The following PLEKHA6 variants were observed in gnomAD, a reference collection of about 807,000 sequenced individuals.
PLEKHA6 encodes pleckstrin homology domain containing A6.
Under a neutral mutation model 116.7 loss-of-function variants are expected in PLEKHA6, and 60 were observed. That is an observed-to-expected ratio of 0.51 (90% confidence interval 0.42 to 0.64). The LOEUF (loss-of-function observed/expected upper bound fraction) is 0.64, where lower values mean the gene tolerates loss of function less well. Ranked by LOEUF, PLEKHA6 falls within the 30% of genes least tolerant of loss-of-function variation. PLEKHA6 has a pLI of 0.00. For missense variants in PLEKHA6, 1,338 were observed against 1,422.7 expected (o/e 0.94, Z 0.96); for synonymous variants, 489 against 556.1 (o/e 0.88, Z 1.70).
At chr1:204,253,164 C>A (rs1664794952) in intron 9 of PLEKHA6, among the ~76,000 whole-genome samples, 1 of 152,208 alleles carries the variant, frequency 6.6e-6, no homozygotes, top group Non-Finnish European at 1.5e-5. Context: ...CAAGTGGTGA[C>A]TGTCACTCCT....
chr1:204,287,315 T>C (rs906069053), intron 1 of PLEKHA6, among the ~76,000 whole-genome samples: 1 of 151,292 alleles, frequency 6.6e-6, no homozygotes, highest in Admixed American at 6.6e-5. Context: ...AGCCAGTGCG[T>C]CCACCTCCTC....
intron 3 of PLEKHA6, among the ~76,000 whole-genome samples, chr1:204,366,500 C>G (rs1290241684): frequency 6.6e-6 from 1 of 152,208 alleles, no homozygotes. Flanking sequence ...GTGGCTCACG[C>G]CTGTAATCCC....
In PLEKHA6 at chr1:204,259,958, C is replaced by T. The variant is rs972546348; in HGVS notation, c.525-218G>A. Among the ~76,000 whole-genome samples, 34 of 152,154 alleles carry T rather than the reference C, an allele frequency of 2.2e-4. No individual in the cohort carries two copies. The highest frequency in any genetic ancestry group is 7.5e-4 in the African/African-American group (31 of 41,436). On this transcript the variant is annotated intron_variant, in intron 7 of 22. Transcript: ENST00000272203. This position sits in a 1 kb window ranked among gnomAD's most constrained non-coding sequence, Gnocchi z 4.6. ...ATACAACCTAATCCGCCCCTGCCCA[C>T]ACCTGCTGTGTTAACTCTGCCCCCC...
chr1:204,249,694 CAAGA>C (rs1201020077), intron 10 of PLEKHA6, among the ~76,000 whole-genome samples: 1 of 152,148 alleles, frequency 6.6e-6, no homozygotes, highest in Non-Finnish European at 1.5e-5. Flanking sequence ...CCTTCTCTCT[CAAGA>C]TCCTGTTCTT....
chr1:204,280,320 T>A, intron 1 of PLEKHA6: 1 of 985,388 alleles, frequency 1.0e-6, no homozygotes, highest in Non-Finnish European at 1.2e-6. Context: ...TTAATCCAAG[T>A]TTCACGATCT....
intron 2 of PLEKHA6, among the ~76,000 whole-genome samples, chr1:204,369,958 T>G (rs1673742667): frequency 6.6e-6 from 1 of 152,200 alleles, no homozygotes; most frequent in Non-Finnish European, 1.5e-5. Flanking sequence ...GCCACCTCTC[T>G]GATGTAATGC....
chr1:204,230,266 A>G (rs1310357951), intron 18 of PLEKHA6, 147 bp downstream of exon 18: 2 of 573,616 alleles, frequency 3.5e-6, no homozygotes, highest in Admixed American at 7.0e-5. Flanking sequence ...GGGGGAGAGG[A>G]CTCTCCGGCT....
intron 1 of PLEKHA6, among the ~76,000 whole-genome samples, chr1:204,306,409 C>A (rs545162148): frequency 6.6e-6 from 1 of 152,286 alleles, no homozygotes; most frequent in South Asian, 2.1e-4. Context: ...ACCCACCATC[C>A]ACCAATCACC....
At chr1:204,282,836 A>G in intron 1 of PLEKHA6, 4 of 982,842 alleles carry the variant, frequency 4.1e-6, no homozygotes, top group Non-Finnish European at 4.8e-6. Context: ...AAGGAGAACC[A>G]GCTGCCTACA....
At chr1:204,331,341 G>A (rs555328823) in intron 1 of PLEKHA6, among the ~76,000 whole-genome samples, 9 of 152,274 alleles carry the variant, frequency 5.9e-5, no homozygotes, top group South Asian at 2.1e-4. Flanking sequence ...GGCAGAAGGC[G>A]TGGGAAGAAC....
chr1:204,235,504 CT>C (rs1242300905), intron 17 of PLEKHA6, among the ~76,000 whole-genome samples: 1 of 152,130 alleles, frequency 6.6e-6, no homozygotes, highest in Non-Finnish European at 1.5e-5. Context: ...GAGTTAGAGT[CT>C]TATCTCCTGT....
intron 1 of PLEKHA6, among the ~76,000 whole-genome samples, chr1:204,314,164 A>G (rs1396592212): frequency 6.6e-6 from 1 of 152,184 alleles, no homozygotes. Flanking sequence ...TCTTGAGATC[A>G]GGGCACAGGA....
intron 17 of PLEKHA6, among the ~76,000 whole-genome samples, chr1:204,234,008 T>C (rs548646371): frequency 1.3e-5 from 2 of 152,272 alleles, no homozygotes; most frequent in African/African-American, 2.4e-5. Context: ...AGTTGTTGAA[T>C]AGTACCCCCA....
chr1:204,228,287 A>G lies in PLEKHA6; in HGVS notation c.2886-59T>C. On this transcript the variant is annotated intron_variant, in intron 20 of 22. Transcript: ENST00000272203. This position sits in a 1 kb window ranked among gnomAD's most constrained non-coding sequence, Gnocchi z 4.0. ...GGGACAGGATGGTCCAAGTGGCTTG[A>G]GGGGGCCTGCGGACTGAGGTTGGCA... 6.6e-7 allele frequency: 1 copy of G among 1,518,308 alleles called. No individual in the cohort carries two copies. 94.1% of individuals were successfully genotyped at this position (1,518,308 alleles called of 1,614,324 possible). A position where few individuals can be genotyped will look rare whatever the true frequency, so the allele number is the denominator to read the frequency against.
In PLEKHA6 at chr1:204,228,325, G is replaced by A; in HGVS notation, c.2886-97C>T. 1 of 1,259,614 alleles carries A rather than the reference G, an allele frequency of 7.9e-7. No homozygotes were observed. The highest frequency in any genetic ancestry group is 1.1e-6 in the Non-Finnish European group (1 of 900,816). The allele number at this position is 1,259,614 out of a possible 1,614,324, so 78.0% of individuals were successfully genotyped here. A position where few individuals can be genotyped will look rare whatever the true frequency, so the allele number is the denominator to read the frequency against. The stretch of plus-strand genomic sequence containing the variant: ...ACTGAGGTTGGCAGGGAGGGCCAGG[G>A]CCCCGTGAATGTGCAGTCTCTGGTT... On this transcript the variant is annotated intron_variant, in intron 20 of 22. Transcript: ENST00000272203. The surrounding 1 kb of genome is among the most constrained non-coding windows in gnomAD (Gnocchi z 4.0).
At chr1:204,354,129 C>T (rs1362228258) in intron 1 of PLEKHA6, among the ~76,000 whole-genome samples, 1 of 152,166 alleles carries the variant, frequency 6.6e-6, no homozygotes, top group Non-Finnish European at 1.5e-5. Flanking sequence ...TCATGATGAG[C>T]CAGACTGGGG....
chr1:204,356,789 C>G (rs574591162), intron 1 of PLEKHA6, among the ~76,000 whole-genome samples: 8 of 152,154 alleles, frequency 5.3e-5, no homozygotes, highest in Non-Finnish European at 1.0e-4. Context: ...TAATTCTTAA[C>G]TTTGCTTTAG....
chr1:204,375,865 C>T (rs554217038), intron 1 of PLEKHA6, among the ~76,000 whole-genome samples: 3 of 125,630 alleles, frequency 2.4e-5, no homozygotes, highest in Non-Finnish European at 3.4e-5. Flanking sequence ...GTTACCTGTT[C>T]CTCAGCCCCC....
At position 204,247,493 on chromosome 1, in the gene PLEKHA6, C is replaced by T. The variant is rs373803858; in HGVS notation, c.1825-33G>A. 22 of 1,415,576 alleles carry T rather than the reference C, an allele frequency of 1.6e-5. No homozygotes were observed. In the African/African-American group the frequency reaches 1.7e-4, roughly 11 times the overall value. The allele number at this position is 1,415,576 out of a possible 1,614,324, so 87.7% of individuals were successfully genotyped here. ...GGAAAGAGGCGTTCACTGAGAAAGC[C>T]GCCATCACCAAGGCATTCCTCCTTA... On this transcript the variant is annotated intron_variant, in intron 12 of 22. Transcript: ENST00000272203.
Sources: allele counts gnomAD v4.1 joint callset (sites outside exome capture counted in the v4.1 genomes callset), GRCh38; gene constraint gnomAD v4.1.1; non-coding constraint Gnocchi (gnomAD v3.1); transcripts MANE v1.5; gene names NCBI Gene and HGNC (gene_info 2026-07-23, HGNC 2026-07-21).